The following PLXNA2 variants were observed in gnomAD, a reference collection of about 807,000 sequenced individuals.
PLXNA2 encodes the protein plexin-A2.
A neutral mutation model predicts 193.5 loss-of-function variants in PLXNA2; 91 were observed. The observed-to-expected ratio is 0.47, with a 90% CI of 0.40 to 0.56. The LOEUF is 0.56. Among genes scored for constraint, PLXNA2 ranks in the 20% least tolerant of loss-of-function variants. The pLI is 0.00. For synonymous variants in PLXNA2, 997 were observed against 1,027.3 expected, an observed-to-expected ratio of 0.97 and a Z score of 0.56; for missense variants, 1,995 against 2,503.2, an observed-to-expected ratio of 0.80 and a Z score of 4.33.
chr1:208,152,139 T>G (rs1279314693), intron 3 of PLXNA2, among the ~76,000 whole-genome samples: 5 of 152,214 alleles, frequency 3.3e-5, no homozygotes, highest in Admixed American at 6.5e-5. Flanking sequence ...TTGCTTTCAT[T>G]AACACTGAGG....
At chr1:208,029,278 C>A (rs1664428871) in intron 29 of PLXNA2, 5 of 1,342,380 alleles carry the variant, frequency 3.7e-6, no homozygotes, top group Middle Eastern at 2.9e-4. Flanking sequence ...TCTCTAACAT[C>A]CGAGGGGTGG....
rs577903823 is a variant in PLXNA2 at position 208,216,650 on chromosome 1, G to T, written c.1188+85C>A. On this transcript the variant is annotated intron_variant, in intron 2 of 31. Transcript: ENST00000367033. The stretch of plus-strand genomic sequence containing the variant: ...TTCATTTCAGGTCCATGGTGGTGTG[G>T]GAGCAGATGTGCCCCAGGGCATGGA... 3.4e-6 allele frequency: 5 copies of T among 1,458,176 alleles called. No homozygotes were observed. The East Asian group carries it at 1.1e-4, about 33-fold the overall frequency. 90.3% of individuals were successfully genotyped at this position (1,458,176 alleles called of 1,614,324 possible).
intron 3 of PLXNA2, among the ~76,000 whole-genome samples, chr1:208,186,868 C>T (rs922209531): frequency 2.6e-5 from 4 of 150,988 alleles, no homozygotes; most frequent in African/African-American, 7.3e-5. Flanking sequence ...TACAGGCGCC[C>T]GCCACCGCGC....
rs991489823 is a variant in PLXNA2, at chr1:208,028,656, C to T, written c.5438+174G>A. ...AATTAGGATGATAATCATCTGACTT[C>T]CACGGGCACAAAGCCACCCTTCCTC... is the stretch of plus-strand genomic sequence containing the variant. On this transcript the variant is annotated intron_variant, in intron 30 of 31. Coordinates refer to ENST00000367033, the MANE Select transcript of PLXNA2 (RefSeq NM_025179.4). The surrounding 1 kb of genome is among the most constrained non-coding windows in gnomAD (Gnocchi z 4.2). Among the ~76,000 whole-genome samples the T allele has an allele frequency of 3.3e-5, 5 of 152,224 alleles. No individual in the cohort carries two copies. Among genetic ancestry groups the T allele is most frequent in the Non-Finnish European group, 5.9e-5 (4 of 68,044 alleles).
At chr1:208,072,117 A>G (rs1334816088) in intron 12 of PLXNA2, among the ~76,000 whole-genome samples, 2 of 152,366 alleles carry the variant, frequency 1.3e-5, no homozygotes, top group East Asian at 1.9e-4. Flanking sequence ...AGGCCAGTGT[A>G]CATGGTTTTC....
At chr1:208,061,083 A>C (rs1306042502) in intron 12 of PLXNA2, among the ~76,000 whole-genome samples, 1 of 152,166 alleles carries the variant, frequency 6.6e-6, no homozygotes, top group Non-Finnish European at 1.5e-5. Context: ...TTATTTAAAA[A>C]ATTATCAGAA....
intron 3 of PLXNA2, among the ~76,000 whole-genome samples, chr1:208,209,495 T>C (rs1354550231): frequency 6.6e-6 from 1 of 152,160 alleles, no homozygotes; most frequent in African/African-American, 2.4e-5. Context: ...GGAAAGAATG[T>C]GGCTGCTCTA....
chr1:208,236,235 T>C lies in PLXNA2; in HGVS notation c.-81+7408A>G, dbSNP rs963784431. 7.2e-5 allele frequency among the ~76,000 whole-genome samples: 11 copies of C among 152,048 alleles called. No homozygotes were observed. Among genetic ancestry groups the C allele is most frequent in the Non-Finnish European group, 1.6e-4 (11 of 68,010 alleles). On this transcript the variant is annotated intron_variant, in intron 1 of 31. Transcript: ENST00000367033. This position sits in a 1 kb window ranked among gnomAD's most constrained non-coding sequence, Gnocchi z 4.4. ...GCTGTTCTCAGTGAAATTCAAAAAATTGGCTCTTCTCCTTCAGGTATTTTT... is the reference window on the plus strand; with the variant it reads ...GCTGTTCTCAGTGAAATTCAAAAAACTGGCTCTTCTCCTTCAGGTATTTTT...
At chr1:208,111,846 C>T (rs777779710) in intron 4 of PLXNA2, among the ~76,000 whole-genome samples, 1 of 152,242 alleles carries the variant, frequency 6.6e-6, no homozygotes, top group Non-Finnish European at 1.5e-5. Context: ...GTGAAAGTCA[C>T]GTGATCAACA....
At chr1:208,234,990 A>G (rs549399399) in intron 1 of PLXNA2, among the ~76,000 whole-genome samples, 5 of 152,358 alleles carry the variant, frequency 3.3e-5, no homozygotes, top group African/African-American at 9.6e-5. Flanking sequence ...GCCCTGTTGC[A>G]GCCAGGCAGC....
intron 3 of PLXNA2, among the ~76,000 whole-genome samples, chr1:208,163,953 T>C (rs1196567696): frequency 6.6e-6 from 1 of 152,172 alleles, no homozygotes; most frequent in African/African-American, 2.4e-5. Context: ...GGGCTTCTCA[T>C]CACCACCCCC....
At chr1:208,171,145 T>G (rs1376771222) in intron 3 of PLXNA2, among the ~76,000 whole-genome samples, 1 of 152,176 alleles carries the variant, frequency 6.6e-6, no homozygotes, top group African/African-American at 2.4e-5. Flanking sequence ...TTTGATAAAC[T>G]TGGGAAGAGG....
chr1:208,090,905 T>G (rs1486250663), intron 9 of PLXNA2, among the ~76,000 whole-genome samples: 1 of 152,314 alleles, frequency 6.6e-6, no homozygotes, highest in Non-Finnish European at 1.5e-5. Flanking sequence ...GGTCTGCCCC[T>G]CTAAGCGATT....
chr1:208,048,116 G>C (rs1665137893), intron 17 of PLXNA2, among the ~76,000 whole-genome samples: 1 of 152,152 alleles, frequency 6.6e-6, no homozygotes, highest in African/African-American at 2.4e-5. Context: ...AGCTTCCCTA[G>C]ACCAGGCTCC....
intron 3 of PLXNA2, among the ~76,000 whole-genome samples, chr1:208,183,728 A>C (rs1354840636): frequency 6.6e-6 from 1 of 151,886 alleles, no homozygotes; most frequent in Non-Finnish European, 1.5e-5. Flanking sequence ...TTAAGCTGGG[A>C]ATTTGGTTTA....
At chr1:208,202,109 G>A (rs1162368663) in intron 3 of PLXNA2, among the ~76,000 whole-genome samples, 2 of 151,852 alleles carry the variant, frequency 1.3e-5, no homozygotes, top group African/African-American at 4.8e-5. Flanking sequence ...CTCCTGAGTA[G>A]CTGGGATTAC....
chr1:208,181,860 C>T (rs992171700), intron 3 of PLXNA2, among the ~76,000 whole-genome samples: 14 of 152,270 alleles, frequency 9.2e-5, no homozygotes, highest in African/African-American at 3.4e-4. Context: ...GGCAAATGTT[C>T]TCCTCCAACT....
intron 3 of PLXNA2, among the ~76,000 whole-genome samples, chr1:208,167,600 C>T (rs1669351906): frequency 6.6e-6 from 1 of 152,134 alleles, no homozygotes; most frequent in South Asian, 2.1e-4. Context: ...ACTCCCCTAC[C>T]ACCTCCTCCC....
At chr1:208,110,563 T>A (rs1444564023) in intron 4 of PLXNA2, among the ~76,000 whole-genome samples, 1 of 152,234 alleles carries the variant, frequency 6.6e-6, no homozygotes, top group East Asian at 1.9e-4. Context: ...ATTTACCGCA[T>A]GCCAGGCACG....
Sources: gnomAD v4.1 joint callset for allele counts (sites outside exome capture counted in the v4.1 genomes callset) on GRCh38, gnomAD v4.1.1 for gene constraint, Gnocchi (gnomAD v3.1) non-coding constraint, MANE v1.5 for transcripts, NCBI Gene and HGNC (gene_info 2026-07-23, HGNC 2026-07-21) for gene names.